PTPRM: variants seen among roughly 807,000 people sequenced by gnomAD.
PTPRM encodes protein tyrosine phosphatase receptor type M.
In PTPRM, 47 loss-of-function variants were observed where a neutral mutation model predicts 186.7. The ratio of observed to expected loss-of-function variants is 0.25; its 90% CI spans 0.20 to 0.32. PTPRM has a LOEUF of 0.32. Ranked by LOEUF, PTPRM falls within the 10% of genes least tolerant of loss-of-function variation. The pLI is 1.00. For synonymous variants in PTPRM, 668 were observed against 674.9 expected, an observed-to-expected ratio of 0.99 and a Z score of 0.16; for missense variants, 1,494 against 1,865.0, an observed-to-expected ratio of 0.80 and a Z score of 3.66.
In PTPRM at chr18:7,938,702, A is replaced by G. The variant is rs942429399; in HGVS notation, c.664-10479A>G. ...AAATACAGGTTTATTAAATGATGTT[A>G]TTCAGCTATTATGAATATATCACAA... On this transcript the variant is annotated intron_variant, in intron 5 of 32. Coordinates refer to ENST00000580170, the MANE Select transcript of PTPRM (RefSeq NM_001105244.2). 3.9e-5 allele frequency among the ~76,000 whole-genome samples: 6 copies of G among 152,250 alleles called. No homozygotes were observed. The South Asian group carries it at 1.2e-3, about 32-fold the overall frequency.
chr18:8,234,129 A>C (rs1456793135), intron 14 of PTPRM, among the ~76,000 whole-genome samples: 2 of 152,142 alleles, frequency 1.3e-5, no homozygotes, highest in African/African-American at 4.8e-5. Flanking sequence ...ATATAGAATC[A>C]GTTTGTTATT....
At chr18:7,782,144 A>C (rs1432649414) in intron 2 of PTPRM, among the ~76,000 whole-genome samples, 1 of 152,198 alleles carries the variant, frequency 6.6e-6, no homozygotes, top group African/African-American at 2.4e-5. Context: ...ATTTCATGTC[A>C]GTGACCTGTG....
chr18:8,318,701 C>T (rs1361028586), intron 21 of PTPRM, among the ~76,000 whole-genome samples: 1 of 152,194 alleles, frequency 6.6e-6, no homozygotes, highest in Non-Finnish European at 1.5e-5. Context: ...CTGGCCCTTG[C>T]TACAGTAGCA....
At chr18:7,588,352 T>G (rs553371785) in intron 1 of PTPRM, among the ~76,000 whole-genome samples, 1 of 152,216 alleles carries the variant, frequency 6.6e-6, no homozygotes, top group African/African-American at 2.4e-5. Flanking sequence ...TAAATTGTTA[T>G]AGCAGCTAGC....
At chr18:7,682,773 C>T (rs146086512) in intron 1 of PTPRM, among the ~76,000 whole-genome samples, 82 of 152,162 alleles carry the variant, frequency 5.4e-4, no homozygotes, top group African/African-American at 1.7e-3. Flanking sequence ...TGGAGGAAGT[C>T]GTTTATGATT....
intron 2 of PTPRM, among the ~76,000 whole-genome samples, chr18:7,854,575 G>T (rs2047006509): frequency 6.6e-6 from 1 of 152,018 alleles, no homozygotes; most frequent in African/African-American, 2.4e-5. Context: ...TCTTTGGCTT[G>T]CTCCCTAACC....
rs575425033 is a variant in PTPRM, at chr18:8,299,606, G to A, written c.2842+3151G>A. 9.5e-5 allele frequency among the ~76,000 whole-genome samples: 14 copies of A among 147,740 alleles called. No homozygotes were observed. The South Asian group carries it at 1.5e-3, about 16-fold the overall frequency. ...GAGGTCTCAAAAAAACAAAAAAAAA[G>A]GAAGATAATAAAACACAAGATACTG... On this transcript the variant is annotated intron_variant, in intron 20 of 32. Coordinates refer to ENST00000580170, the MANE Select transcript of PTPRM (RefSeq NM_001105244.2).
chr18:7,675,969 T>G (rs1230776843), intron 1 of PTPRM, among the ~76,000 whole-genome samples: 1 of 152,130 alleles, frequency 6.6e-6, no homozygotes, highest in Non-Finnish European at 1.5e-5. Context: ...ACTCCTGATC[T>G]CAGGTGATCT....
rs192060931 is a variant in PTPRM, at chr18:8,364,613, T to C, written c.3055-6277T>C. Among the ~76,000 whole-genome samples, 488 of 152,300 alleles carry C rather than the reference T, an allele frequency of 3.2e-3. 4 individuals are homozygous for C. The highest frequency in any genetic ancestry group is 0.011 in the African/African-American group (467 of 41,574). The stretch of plus-strand genomic sequence containing the variant: ...TTCATGGCAGTGTTTTTGCTCTCAC[T>C]ATCCAATATCCATCCACCCTCTTCT... On this transcript the variant is annotated intron_variant, in intron 23 of 32. Coordinates refer to ENST00000580170, the MANE Select transcript of PTPRM (RefSeq NM_001105244.2).
intron 1 of PTPRM, among the ~76,000 whole-genome samples, chr18:7,712,894 T>C (rs574950607): frequency 1.3e-5 from 2 of 150,824 alleles, no homozygotes; most frequent in African/African-American, 4.8e-5. Context: ...CTATGTTTGA[T>C]TGGTGTACCT....
At chr18:8,358,914 T>C (rs1168576611) in intron 23 of PTPRM, among the ~76,000 whole-genome samples, 1 of 152,228 alleles carries the variant, frequency 6.6e-6, no homozygotes, top group Non-Finnish European at 1.5e-5. Context: ...TGATTTCTTC[T>C]ACATTGGAAG....
intron 14 of PTPRM, among the ~76,000 whole-genome samples, chr18:8,160,449 T>G (rs1187010621): frequency 6.6e-6 from 1 of 151,478 alleles, no homozygotes; most frequent in African/African-American, 2.4e-5. Context: ...GCCCAGAAAA[T>G]TTTGGGGTTT....
chr18:8,296,365 T>C lies in PTPRM; in HGVS notation c.2755-3T>C. On this transcript the variant is annotated splice_polypyrimidine_tract_variant and splice_region_variant and intron_variant, in intron 19 of 32. Coordinates refer to ENST00000580170, the MANE Select transcript of PTPRM (RefSeq NM_001105244.2). The stretch of plus-strand genomic sequence containing the variant: ...GTAATTCTCAGTCTCACTTTCCTTC[T>C]AGAGCTTCTTTGAAGGGCAGTCTGC... 1 of 1,591,910 alleles carries C rather than the reference T, an allele frequency of 6.3e-7. No individual in the cohort carries two copies. Among genetic ancestry groups the C allele is most frequent in the Non-Finnish European group, 8.6e-7 (1 of 1,159,840 alleles).
chr18:7,671,400 C>T lies in PTPRM; in HGVS notation c.74-102749C>T, dbSNP rs1568018994. On this transcript the variant is annotated intron_variant, in intron 1 of 32. Coordinates refer to ENST00000580170, the MANE Select transcript of PTPRM (RefSeq NM_001105244.2). ...AGAGACACTTTTCCCTGCCTCTCCC[C>T]CTTTTCTTCCTTTTCACTATATAGC... is the stretch of plus-strand genomic sequence containing the variant. Among the ~76,000 whole-genome samples, 4 of 152,290 alleles carry T rather than the reference C, an allele frequency of 2.6e-5. No individual in the cohort carries two copies. The South Asian group carries it at 8.3e-4, about 32-fold the overall frequency.
intron 1 of PTPRM, among the ~76,000 whole-genome samples, chr18:7,600,398 G>C (rs1264154212): frequency 6.6e-6 from 1 of 152,110 alleles, no homozygotes. Context: ...CAGCAATCTT[G>C]TCTCCCCTTT....
intron 2 of PTPRM, among the ~76,000 whole-genome samples, chr18:7,826,043 C>T (rs1467397901): frequency 2.0e-5 from 3 of 152,250 alleles, no homozygotes; most frequent in African/African-American, 7.2e-5. Flanking sequence ...TGCTTGTCCT[C>T]ATTGGATGGC....
chr18:7,749,828 C>T (rs892423944), intron 1 of PTPRM, among the ~76,000 whole-genome samples: 1 of 152,180 alleles, frequency 6.6e-6, no homozygotes, highest in Non-Finnish European at 1.5e-5. Context: ...TGGAGTTAAG[C>T]AATTGTGTTT....
intron 7 of PTPRM, among the ~76,000 whole-genome samples, chr18:8,066,608 A>G (rs1487461993): frequency 6.6e-6 from 1 of 152,230 alleles, no homozygotes; most frequent in East Asian, 1.9e-4. Context: ...ACTACAGACC[A>G]TAGTCAAAGG....
intron 2 of PTPRM, among the ~76,000 whole-genome samples, chr18:7,856,177 A>G (rs777029943): frequency 1.3e-5 from 2 of 152,094 alleles, no homozygotes; most frequent in Non-Finnish European, 2.9e-5. Flanking sequence ...TGGGAATGGA[A>G]GAGGCTTCTG....
Sources: allele counts gnomAD v4.1 joint callset (sites outside exome capture counted in the v4.1 genomes callset), GRCh38; gene constraint gnomAD v4.1.1; transcripts MANE v1.5; gene names NCBI Gene and HGNC (gene_info 2026-07-23, HGNC 2026-07-21).